The following GSDMC variants were observed in gnomAD, a reference collection of about 807,000 sequenced individuals.
GSDMC encodes the protein gasdermin C.
GSDMC carries 59 observed loss-of-function variants against 58.0 expected under a neutral mutation model. The ratio of observed to expected loss-of-function variants is 1.02; its 90% CI spans 0.82 to 1.26. The LOEUF is 1.26. Ranked by LOEUF, GSDMC falls within the 50% of genes most tolerant of loss-of-function variation. GSDMC has a pLI of 0.00. For missense variants in GSDMC, 659 were observed against 598.5 expected (o/e 1.10, Z -1.06); for synonymous variants, 241 against 220.2 (o/e 1.09, Z -0.83).
the GSDMC span, among the ~76,000 whole-genome samples, chr8:129,716,522 G>A: frequency 2.0e-5 from 3 of 152,186 alleles, no homozygotes; most frequent in African/African-American, 7.2e-5. Flanking sequence ...TTGGGGCTGA[G>A]ACAATGGGGT....
chr8:129,710,261 GATGA>G, the GSDMC span, among the ~76,000 whole-genome samples: 1 of 152,188 alleles, frequency 6.6e-6, no homozygotes, highest in Non-Finnish European at 1.5e-5. Context: ...AAGAAATTTT[GATGA>G]ATGAATGAAT....
chr8:129,746,369 T>C (rs1053710357), downstream of GSDMC, among the ~76,000 whole-genome samples: 3 of 151,976 alleles, frequency 2.0e-5, no homozygotes, highest in African/African-American at 7.3e-5. Context: ...AGTTGAGTTA[T>C]AGACATAGAG....
chr8:129,776,674 C>T (rs1286303384), intron 2 of GSDMC, among the ~76,000 whole-genome samples: 1 of 152,144 alleles, frequency 6.6e-6, no homozygotes, highest in Non-Finnish European at 1.5e-5. Flanking sequence ...GCCAGACAGA[C>T]CTGGGTTTGG....
chr8:129,757,412 G>A (rs2033484000), intron 6 of GSDMC, among the ~76,000 whole-genome samples: 1 of 151,946 alleles, frequency 6.6e-6, no homozygotes, highest in African/African-American at 2.4e-5. Flanking sequence ...GTAATAAAAA[G>A]TCTCCCAGTA....
At chr8:129,705,811 G>A in the GSDMC span, among the ~76,000 whole-genome samples, 4 of 152,206 alleles carry the variant, frequency 2.6e-5, no homozygotes, top group African/African-American at 9.6e-5. Context: ...AGAAGAGAGG[G>A]GGCATAGAAT....
In GSDMC at chr8:129,766,020, T is replaced by C. The variant is rs184909451; in HGVS notation, c.405-227A>G. Among the ~76,000 whole-genome samples the C allele has an allele frequency of 1.8e-3, 275 of 152,304 alleles. 2 individuals are homozygous for C. Among genetic ancestry groups the C allele is most frequent in the Middle Eastern group, 3.4e-3 (1 of 294 alleles). On this transcript the variant is annotated intron_variant, in intron 3 of 13. Transcript: ENST00000276708. ...GTGTGAGAGTATATGTACCATATTG[T>C]TAAAGGCATCTGCATTTTACTAAAT...
intron 1 of GSDMC, among the ~76,000 whole-genome samples, chr8:129,779,744 C>T (rs139349286): frequency 1.8e-3 from 280 of 151,968 alleles, no homozygotes; most frequent in Middle Eastern, 6.8e-3. Flanking sequence ...TAAAAACAGA[C>T]GATTCAGGAA....
chr8:129,772,519 G>A (rs952936871), intron 3 of GSDMC, among the ~76,000 whole-genome samples: 6 of 152,074 alleles, frequency 3.9e-5, no homozygotes, highest in Admixed American at 2.6e-4. Context: ...AACTGGGGTA[G>A]ATAAGAGAAA....
the GSDMC span, among the ~76,000 whole-genome samples, chr8:129,710,483 G>C: frequency 1.3e-5 from 2 of 152,244 alleles, no homozygotes; most frequent in African/African-American, 4.8e-5. Context: ...GGGGAATCAG[G>C]GTCCTGGGCT....
chr8:129,724,331 G>A, the GSDMC span, among the ~76,000 whole-genome samples: 2 of 152,192 alleles, frequency 1.3e-5, no homozygotes, highest in South Asian at 4.1e-4. Flanking sequence ...GAAAATATAA[G>A]TTAAATGTTT....
chr8:129,752,481 G>A (rs2033248751), intron 7 of GSDMC, among the ~76,000 whole-genome samples: 1 of 152,202 alleles, frequency 6.6e-6, no homozygotes, highest in Non-Finnish European at 1.5e-5. Context: ...TGTGTGGGCT[G>A]AGCCCAAGCA....
At chr8:129,783,021 G>A (rs1327686387) in intron 1 of GSDMC, among the ~76,000 whole-genome samples, 1 of 152,032 alleles carries the variant, frequency 6.6e-6, no homozygotes, top group African/African-American at 2.4e-5. Context: ...GACCAAGTGG[G>A]ATTTATCCCA....
intron 1 of GSDMC, among the ~76,000 whole-genome samples, chr8:129,779,235 T>C (rs998067349): frequency 6.6e-6 from 1 of 152,098 alleles, no homozygotes; most frequent in Non-Finnish European, 1.5e-5. Context: ...ATGGACTAGA[T>C]AAAGAAAACG....
the GSDMC span, among the ~76,000 whole-genome samples, chr8:129,725,564 A>G: frequency 6.6e-6 from 1 of 152,206 alleles, no homozygotes; most frequent in Non-Finnish European, 1.5e-5. Flanking sequence ...TCAGAAAATC[A>G]TATTCTTCTC....
chr8:129,759,047 G>C (rs1220218881), intron 6 of GSDMC, among the ~76,000 whole-genome samples: 2 of 152,022 alleles, frequency 1.3e-5, no homozygotes, highest in East Asian at 1.9e-4. Flanking sequence ...AGAGAACCTA[G>C]AAACAAATCT....
Position 129,751,876 on chromosome 8 carries a change from T to C in GSDMC, c.902A>G (p.His301Arg). 6.2e-7 allele frequency: 1 copy of C among 1,613,252 alleles called. No individual in the cohort carries two copies. The highest frequency in any genetic ancestry group is 8.5e-7 in the Non-Finnish European group (1 of 1,179,352). The change falls in exon 9 of 14, where the codon CAC becomes CGC. Residue 301 changes from histidine (H) to arginine (R), a missense_variant. By Grantham distance (29) the His-to-Arg change is conservative (BLOSUM62 0). Coordinates refer to ENST00000276708, the MANE Select transcript of GSDMC (RefSeq NM_031415.3). Reference protein sequence around the residue: ...SGHLPKYEQVHILPVGRIEEP... With the variant: ...SGHLPKYEQVRILPVGRIEEP... ...CTCACACTCACCTACTGGGAGGATG[T>C]GAACTTGTTCGTATTCTAAAAAAAG...
the GSDMC span, among the ~76,000 whole-genome samples, chr8:129,727,023 C>CAT: frequency 2.3e-4 from 34 of 150,324 alleles, no homozygotes; most frequent in African/African-American, 8.4e-4. Context: ...CACACACACA[C>CAT]ACCTATTCAC....
At chr8:129,782,725 C>T (rs1358535802) in intron 1 of GSDMC, among the ~76,000 whole-genome samples, 1 of 151,896 alleles carries the variant, frequency 6.6e-6, no homozygotes, top group Non-Finnish European at 1.5e-5. Flanking sequence ...AAAAAGTCTC[C>T]CAGTAAATAA....
chr8:129,751,210 A>T (rs1259810402), intron 10 of GSDMC, among the ~76,000 whole-genome samples: 1 of 152,144 alleles, frequency 6.6e-6, no homozygotes, highest in African/African-American at 2.4e-5. Context: ...ATGTTTATGA[A>T]GAATTAACCA....
Sources: gnomAD v4.1 joint callset for allele counts (sites outside exome capture counted in the v4.1 genomes callset) on GRCh38, gnomAD v4.1.1 for gene constraint, MANE v1.5 for transcripts, NCBI Gene and HGNC (gene_info 2026-07-23, HGNC 2026-07-21) for gene names.